Variants in NELL1 observed in about 807,000 individuals in gnomAD.
NELL1 encodes the protein neural EGFL like 1, also known as protein kinase C-binding protein NELL1.
NELL1 carries 76 observed loss-of-function variants against 107.4 expected under a neutral mutation model. The observed-to-expected ratio is 0.71, with a 90% confidence interval of 0.59 to 0.86. The LOEUF (loss-of-function observed/expected upper bound fraction) is 0.86. NELL1 is among the 40% of genes least tolerant of loss of function. The pLI is 0.00. For synonymous variants in NELL1, 353 were observed against 341.2 expected (o/e 1.03, Z -0.38); for missense variants, 1,024 against 1,005.5 (o/e 1.02, Z -0.25).
intron 10 of NELL1, among the ~76,000 whole-genome samples, chr11:20,940,056 A>C (rs1453866682): frequency 6.6e-6 from 1 of 152,134 alleles, no homozygotes; most frequent in African/African-American, 2.4e-5. Flanking sequence ...AAGGCTTGAC[A>C]TGGCTGGCTA....
At chr11:21,107,806 A>T (rs1173680686) in intron 12 of NELL1, among the ~76,000 whole-genome samples, 1 of 152,186 alleles carries the variant, frequency 6.6e-6, no homozygotes, top group Non-Finnish European at 1.5e-5. Flanking sequence ...CAACTCCCTG[A>T]ATGTATACGT....
chr11:21,064,606 T>C (rs1379048454), intron 12 of NELL1, among the ~76,000 whole-genome samples: 1 of 152,016 alleles, frequency 6.6e-6, no homozygotes, highest in Non-Finnish European at 1.5e-5. Flanking sequence ...ATAAGCTGAG[T>C]GGCCTGATTA....
chr11:21,569,587 G>C (rs1857052670), intron 17 of NELL1, among the ~76,000 whole-genome samples: 1 of 151,850 alleles, frequency 6.6e-6, no homozygotes, highest in Admixed American at 6.6e-5. Context: ...TGTTTACCCA[G>C]AGATGAAACA....
intron 3 of NELL1, among the ~76,000 whole-genome samples, chr11:20,846,331 C>T (rs531618650): frequency 3.9e-5 from 6 of 152,242 alleles, no homozygotes; most frequent in East Asian, 3.9e-4. Context: ...GCACAATAGA[C>T]GCTGAGTTTC....
chr11:21,390,976 T>C (rs1036406101), intron 15 of NELL1, among the ~76,000 whole-genome samples: 1 of 151,764 alleles, frequency 6.6e-6, no homozygotes, highest in Non-Finnish European at 1.5e-5. Context: ...CCTGAATCCT[T>C]TGTATTTATC....
chr11:21,392,197 C>A (rs532625571), intron 15 of NELL1, among the ~76,000 whole-genome samples: 1 of 151,838 alleles, frequency 6.6e-6, no homozygotes, highest in East Asian at 2.0e-4. Flanking sequence ...TTTGCTGGGG[C>A]AAAAGAAAGG....
chr11:20,680,454 T>G (rs75467440), intron 2 of NELL1, among the ~76,000 whole-genome samples: 5,386 of 152,156 alleles, frequency 0.035, 330 homozygotes, highest in African/African-American at 0.12. Flanking sequence ...GGTGAGACAG[T>G]GGGTATAATC....
intron 15 of NELL1, among the ~76,000 whole-genome samples, chr11:21,472,149 T>C (rs1854198200): frequency 2.1e-5 from 1 of 47,678 alleles, no homozygotes; most frequent in African/African-American, 8.4e-5. Context: ...CTTTCTGTTT[T>C]GTTTTGTTTG....
intron 12 of NELL1, among the ~76,000 whole-genome samples, chr11:20,980,791 C>A (rs2134243480): frequency 6.6e-6 from 1 of 152,306 alleles, no homozygotes; most frequent in East Asian, 1.9e-4. Flanking sequence ...TGATGTGCAG[C>A]TGTTAAGCAG....
chr11:20,901,726 A>G (rs1265115466), intron 5 of NELL1, among the ~76,000 whole-genome samples: 1 of 152,104 alleles, frequency 6.6e-6, no homozygotes, highest in African/African-American at 2.4e-5. Context: ...GCAGAGTGTG[A>G]TATCACTGCA....
chr11:20,892,948 CAG>C (rs1422725309), intron 5 of NELL1, among the ~76,000 whole-genome samples: 3 of 129,678 alleles, frequency 2.3e-5, no homozygotes, highest in African/African-American at 8.9e-5. Flanking sequence ...AAAAAAAAAA[CAG>C]ACACATGTAC....
chr11:20,813,006 C>CAAAAAAAAAAAAA (rs869187456), intron 3 of NELL1, among the ~76,000 whole-genome samples: 19 of 61,272 alleles, frequency 3.1e-4, no homozygotes, highest in African/African-American at 1.1e-3. Context: ...GACTCCGTCT[C>CAAAAAAAAAAAAA]AAAAAAAAAA....
intron 12 of NELL1, among the ~76,000 whole-genome samples, chr11:21,051,536 T>C (rs1372489809): frequency 6.6e-6 from 1 of 151,942 alleles, no homozygotes; most frequent in Non-Finnish European, 1.5e-5. Context: ...TTGAGAAAAG[T>C]AATAAAACCT....
intron 3 of NELL1, among the ~76,000 whole-genome samples, chr11:20,811,390 C>G (rs1397582898): frequency 1.3e-5 from 2 of 151,806 alleles, no homozygotes; most frequent in Non-Finnish European, 2.9e-5. Flanking sequence ...ATGCCTCTAG[C>G]TTTCTTTTTG....
chr11:21,161,405 C>T (rs115657102), intron 13 of NELL1, among the ~76,000 whole-genome samples: 1,587 of 152,160 alleles, frequency 0.01, 30 homozygotes, highest in African/African-American at 0.036. Context: ...GGTGTAGTGG[C>T]GCACGCCGGT....
intron 15 of NELL1, among the ~76,000 whole-genome samples, chr11:21,426,956 T>A (rs1305619523): frequency 6.6e-6 from 1 of 151,566 alleles, no homozygotes; most frequent in Non-Finnish European, 1.5e-5. Flanking sequence ...GCTTCAGGAG[T>A]GGAACTATGA....
chr11:21,445,368 C>T (rs1008656115), intron 15 of NELL1, among the ~76,000 whole-genome samples: 1 of 132,428 alleles, frequency 7.6e-6, no homozygotes, highest in Admixed American at 7.6e-5. Flanking sequence ...CTCTTGCTGC[C>T]CAGGCTGGAG....
intron 4 of NELL1, among the ~76,000 whole-genome samples, chr11:20,858,803 T>G (rs575276787): frequency 2.6e-5 from 4 of 152,268 alleles, no homozygotes; most frequent in Admixed American, 2.0e-4. Context: ...ATTAACCGTT[T>G]GTAGGGGAAT....
intron 4 of NELL1, among the ~76,000 whole-genome samples, chr11:20,884,066 T>C (rs965038225): frequency 6.6e-6 from 1 of 152,222 alleles, no homozygotes; most frequent in Non-Finnish European, 1.5e-5. Flanking sequence ...GGATAATTAG[T>C]AGAGAAAGAC....
Sources: gnomAD v4.1 joint callset for allele counts (sites outside exome capture counted in the v4.1 genomes callset) on GRCh38, gnomAD v4.1.1 for gene constraint, MANE v1.5 for transcripts, NCBI Gene and HGNC (gene_info 2026-07-23, HGNC 2026-07-21) for gene names.